The following IQSEC3 variants were observed in gnomAD, a reference collection of about 807,000 sequenced individuals.
IQSEC3 encodes IQ motif and SEC7 domain-containing protein 3.
Under a neutral mutation model 105.4 loss-of-function variants are expected in IQSEC3, and 50 were observed. The observed-to-expected ratio is 0.47, with a 90% CI of 0.38 to 0.60. The LOEUF (loss-of-function observed/expected upper bound fraction) is 0.60, where lower values mean the gene tolerates loss of function less well. Among genes scored for constraint, IQSEC3 ranks in the 20% least tolerant of loss-of-function variants. IQSEC3 has a pLI of 0.00. For missense variants in IQSEC3, 1,415 were observed against 1,630.0 expected, an observed-to-expected ratio of 0.87 and a Z score of 2.27; for synonymous variants, 708 against 746.0, an observed-to-expected ratio of 0.95 and a Z score of 0.83.
chr12:113,700 G>A (rs1264876392), intron 2 of IQSEC3, among the ~76,000 whole-genome samples: 3 of 152,178 alleles, frequency 2.0e-5, no homozygotes, highest in Non-Finnish European at 2.9e-5. Context: ...ATGAATTTAC[G>A]AATTTGTAAT....
rs1255138473 is a variant in IQSEC3, at chr12:138,034, T to C, written c.904-233T>C. On this transcript the variant is annotated intron_variant, in intron 3 of 13. Coordinates refer to ENST00000538872, the MANE Select transcript of IQSEC3 (RefSeq NM_001170738.2). The surrounding 1 kb of genome is among the most constrained non-coding windows in gnomAD (Gnocchi z 7.1). Reference sequence around the variant, plus strand: ...ATATGCAGCACCTCCCTCCTGGCCCTTGAGACATCACTAGTCCCCAGAACG... The same window carrying C: ...ATATGCAGCACCTCCCTCCTGGCCCCTGAGACATCACTAGTCCCCAGAACG... Among the ~76,000 whole-genome samples the C allele has an allele frequency of 3.3e-5, 5 of 152,212 alleles. No individual in the cohort carries two copies. The highest frequency in any genetic ancestry group is 2.0e-4 in the Admixed American group (3 of 15,288).
At chr12:123,378 C>G (rs948500581) in intron 2 of IQSEC3, among the ~76,000 whole-genome samples, 11 of 152,132 alleles carry the variant, frequency 7.2e-5, no homozygotes, top group African/African-American at 2.4e-4. Flanking sequence ...GAGGTTGAGG[C>G]TGCAGTGAGC....
intron 5 of IQSEC3, among the ~76,000 whole-genome samples, chr12:145,539 A>C (rs1866227998): frequency 6.6e-6 from 1 of 152,214 alleles, no homozygotes; most frequent in Non-Finnish European, 1.5e-5. Flanking sequence ...ACTCAAACTC[A>C]GGTCTACTAG....
intron 3 of IQSEC3, among the ~76,000 whole-genome samples, chr12:127,303 G>A (rs537456186): frequency 9.9e-5 from 15 of 151,940 alleles, no homozygotes; most frequent in Non-Finnish European, 2.1e-4. Flanking sequence ...GGTGGATCAC[G>A]AGGCCAGGAG....
rs1866047025 is a variant in IQSEC3, at chr12:141,933, C to G, written c.2153+648C>G. On this transcript the variant is annotated intron_variant, in intron 5 of 13. Coordinates refer to ENST00000538872, the MANE Select transcript of IQSEC3 (RefSeq NM_001170738.2). The stretch of plus-strand genomic sequence containing the variant: ...TGATAGTGTGGACAGGCAAGAGTCT[C>G]TTCACACTCATGCCTTGTCCAGAAT... 2.0e-5 allele frequency: 3 copies of G among 152,428 alleles called. No homozygotes were observed. In the South Asian group the frequency reaches 6.2e-4, roughly 32 times the overall value. The allele number at this position is 152,428 out of a possible 1,614,324, so 9.4% of individuals were successfully genotyped here. A position where few individuals can be genotyped will look rare whatever the true frequency, so the allele number is the denominator to read the frequency against.
At chr12:74,103 A>G (rs1485288470) in intron 1 of IQSEC3, among the ~76,000 whole-genome samples, 14 of 152,202 alleles carry the variant, frequency 9.2e-5, no homozygotes, top group Non-Finnish European at 1.5e-5. Context: ...GAGAAGGTAC[A>G]CTGACTTGTC....
rs565978237 is a variant in IQSEC3 at position 140,431 on chromosome 12, CA to C, written c.1992-692del. 4 of 152,302 alleles carry C rather than the reference CA, an allele frequency of 2.6e-5. No individual in the cohort carries two copies. In the South Asian group the frequency reaches 8.3e-4, roughly 32 times the overall value. 9.4% of individuals were successfully genotyped at this position (152,302 alleles called of 1,614,324 possible). A position where few individuals can be genotyped will look rare whatever the true frequency, so the allele number is the denominator to read the frequency against. Reference sequence around the variant, plus strand: ...ACTTCTGCAGTGTCTCTTCTGCATGCACATGAAAACTCATACAGACACTCAT... The same window carrying C: ...ACTTCTGCAGTGTCTCTTCTGCATGCCATGAAAACTCATACAGACACTCAT... On this transcript the variant is annotated intron_variant, in intron 4 of 13. Coordinates refer to ENST00000538872, the MANE Select transcript of IQSEC3 (RefSeq NM_001170738.2).
rs1177955129 is a variant in IQSEC3, at chr12:176,628, G to C, written c.*1595G>C. ...GATGACCTAGTTTCGTTTTGTGTGT[G>C]TGTGTGTGTGGTCACCCAGACGTCA... On this transcript the variant is annotated 3_prime_UTR_variant, in exon 14 of 14. Coordinates refer to ENST00000538872, the MANE Select transcript of IQSEC3 (RefSeq NM_001170738.2). This position sits in a 1 kb window ranked among gnomAD's most constrained non-coding sequence, Gnocchi z 4.0. 6.6e-6 allele frequency: 1 copy of C among 152,272 alleles called. No homozygotes were observed. Among genetic ancestry groups the C allele is most frequent in the Non-Finnish European group, 1.5e-5 (1 of 68,064 alleles). 9.4% of individuals were successfully genotyped at this position (152,272 alleles called of 1,614,324 possible). A position where few individuals can be genotyped will look rare whatever the true frequency, so the allele number is the denominator to read the frequency against.
chr12:127,532 A>G (rs567641911), intron 3 of IQSEC3, among the ~76,000 whole-genome samples: 1 of 152,020 alleles, frequency 6.6e-6, no homozygotes, highest in Admixed American at 6.6e-5. Context: ...AAACAAAACA[A>G]AACAAAAAAC....
intron 2 of IQSEC3, among the ~76,000 whole-genome samples, chr12:120,028 C>A (rs1485169548): frequency 6.6e-6 from 1 of 152,202 alleles, no homozygotes; most frequent in East Asian, 1.9e-4. Context: ...ATCCATCCAC[C>A]CATTTAACAT....
chr12:125,583 C>T lies in IQSEC3; in HGVS notation c.624-50C>T, dbSNP rs568301858. ...TCTCCCCGACCCCCACATCCACACGCACCCTGTCGCCCTCTCCCCCAACCG... is the reference window on the plus strand; with the variant it reads ...TCTCCCCGACCCCCACATCCACACGTACCCTGTCGCCCTCTCCCCCAACCG... On this transcript the variant is annotated intron_variant, in intron 2 of 13. Transcript: ENST00000538872. 1.5e-4 allele frequency: 210 copies of T among 1,447,662 alleles called. 1 individual carries two copies. The South Asian group carries it at 2.7e-3, about 19-fold the overall frequency. The allele number at this position is 1,447,662 out of a possible 1,614,324, so 89.7% of individuals were successfully genotyped here. A position where few individuals can be genotyped will look rare whatever the true frequency, so the allele number is the denominator to read the frequency against.
At chr12:134,107 C>T (rs1245784172) in intron 3 of IQSEC3, among the ~76,000 whole-genome samples, 14 of 152,192 alleles carry the variant, frequency 9.2e-5, no homozygotes, top group Admixed American at 2.6e-4. Context: ...GCTGAACACA[C>T]AAAGGAGGCA....
At chr12:140,369 A>G (rs1555088748) in intron 4 of IQSEC3, 1 of 152,168 alleles carries the variant, frequency 6.6e-6, no homozygotes, top group East Asian at 1.9e-4. Context: ...TACTCGGCAG[A>G]CCTAGGGAAA....
At chr12:167,904 T>C (rs1258761701) in intron 11 of IQSEC3, among the ~76,000 whole-genome samples, 1 of 152,228 alleles carries the variant, frequency 6.6e-6, no homozygotes, top group Non-Finnish European at 1.5e-5. Flanking sequence ...TCACTTGTAA[T>C]TATCAGGCTA....
intron 7 of IQSEC3, among the ~76,000 whole-genome samples, chr12:158,156 T>G (rs144971892): frequency 6.6e-6 from 1 of 151,532 alleles, no homozygotes; most frequent in Non-Finnish European, 1.5e-5. Flanking sequence ...ACTGGCAGAG[T>G]GTGATGTGTG....
intron 5 of IQSEC3, among the ~76,000 whole-genome samples, chr12:151,620 C>A (rs1284011181): frequency 5.3e-5 from 8 of 152,196 alleles, no homozygotes; most frequent in African/African-American, 1.4e-4. Flanking sequence ...CCCTGTCGCT[C>A]CTCTGATCAT....
chr12:118,433 A>T (rs1865117467), intron 2 of IQSEC3, among the ~76,000 whole-genome samples: 2 of 152,108 alleles, frequency 1.3e-5, no homozygotes, highest in South Asian at 4.2e-4. Flanking sequence ...TCTTGAGGGG[A>T]CGTGACGCAT....
intron 11 of IQSEC3, chr12:167,360 G>A (rs1016351861): frequency 6.6e-6 from 1 of 152,378 alleles, no homozygotes; most frequent in African/African-American, 2.4e-5. Context: ...ATCAGCCCAG[G>A]AGCAGCACAT....
At chr12:83,882 G>C (rs1863832549) in intron 1 of IQSEC3, among the ~76,000 whole-genome samples, 6 of 152,128 alleles carry the variant, frequency 3.9e-5, no homozygotes, top group Admixed American at 3.9e-4. Context: ...CTTGATTTCT[G>C]CTGTGTGCTC....
Sources: allele counts gnomAD v4.1 joint callset (sites outside exome capture counted in the v4.1 genomes callset), GRCh38; gene constraint gnomAD v4.1.1; non-coding constraint Gnocchi (gnomAD v3.1); transcripts MANE v1.5; gene names NCBI Gene and HGNC (gene_info 2026-07-23, HGNC 2026-07-21).